The following GSG1L variants were observed in gnomAD, a reference collection of about 807,000 sequenced individuals.
The protein encoded by GSG1L is germ cell-specific gene 1-like protein.
Under a neutral mutation model 42.1 loss-of-function variants are expected in GSG1L, and 24 were observed. That is an observed-to-expected ratio of 0.57 (90% CI 0.41 to 0.80). The LOEUF (loss-of-function observed/expected upper bound fraction) is 0.80, where lower values mean the gene tolerates loss of function less well. GSG1L is among the 30% of genes least tolerant of loss of function. The pLI is 0.00. For synonymous variants in GSG1L, 215 were observed against 203.5 expected (o/e 1.06, Z -0.48); for missense variants, 445 against 472.2 (o/e 0.94, Z 0.53).
At chr16:27,823,828 T>C in intron 5 of GSG1L, 4 of 702,736 alleles carry the variant, frequency 5.7e-6, no homozygotes, top group Non-Finnish European at 1.0e-5. Flanking sequence ...AAGGACTATG[T>C]GGCCTGGGCT....
chr16:27,942,147 CTTTTTTTTTTT>C (rs34617355), intron 2 of GSG1L, among the ~76,000 whole-genome samples: 1 of 115,990 alleles, frequency 8.6e-6, no homozygotes, highest in East Asian at 2.4e-4. Flanking sequence ...AAAACTTCTT[CTTTTTTTTTTT>C]TTTTTTTTTG....
chr16:27,938,385 T>TA (rs71140925), intron 2 of GSG1L, among the ~76,000 whole-genome samples: 34,435 of 141,080 alleles, frequency 0.24, 4,773 homozygotes, highest in Non-Finnish European at 0.32. Context: ...GAGACTCCAT[T>TA]AAAAAAAAAA....
In GSG1L at chr16:27,907,952, C is replaced by T. The variant is rs556690227; in HGVS notation, c.398-23314G>A. On this transcript the variant is annotated intron_variant, in intron 2 of 6. Transcript: ENST00000447459. ...GGCAATTGCATCTGCAGCTTCCCCA[C>T]GCCCCACCCTCCAACTCCCCTAAAC... is the stretch of plus-strand genomic sequence containing the variant. Among the ~76,000 whole-genome samples, 25 of 150,954 alleles carry T rather than the reference C, an allele frequency of 1.7e-4. 1 individual carries two copies. The highest frequency in any genetic ancestry group is 4.4e-4 in the African/African-American group (18 of 41,346).
intron 2 of GSG1L, among the ~76,000 whole-genome samples, chr16:27,897,623 C>T (rs1338301024): frequency 1.3e-5 from 2 of 152,290 alleles, no homozygotes; most frequent in South Asian, 2.1e-4. Flanking sequence ...TGTTCAAAAT[C>T]ACTTCCTCCC....
chr16:27,827,112 G>T (rs899229117), intron 5 of GSG1L, among the ~76,000 whole-genome samples: 1 of 152,194 alleles, frequency 6.6e-6, no homozygotes, highest in African/African-American at 2.4e-5. Flanking sequence ...GGAGCTAACA[G>T]TCCTAACTGC....
intron 4 of GSG1L, among the ~76,000 whole-genome samples, chr16:27,834,458 A>G (rs1170578654): frequency 6.6e-6 from 1 of 151,442 alleles, no homozygotes; most frequent in Admixed American, 6.6e-5. Flanking sequence ...TGAATTGCAA[A>G]GTTTTCTCTC....
chr16:28,051,720 G>A (rs1198698636), intron 1 of GSG1L, among the ~76,000 whole-genome samples: 3 of 152,226 alleles, frequency 2.0e-5, no homozygotes, highest in Admixed American at 6.5e-5. Flanking sequence ...CAAGAGGACA[G>A]TGGGGCTGCA....
intron 1 of GSG1L, among the ~76,000 whole-genome samples, chr16:27,999,613 T>A (rs1232344180): frequency 1.3e-5 from 2 of 152,258 alleles, no homozygotes; most frequent in Admixed American, 6.5e-5. Context: ...ATGCCGGCAC[T>A]TAGCTAAGCT....
intron 2 of GSG1L, among the ~76,000 whole-genome samples, chr16:27,943,503 T>C (rs1347173551): frequency 6.8e-6 from 1 of 147,410 alleles, no homozygotes; most frequent in Non-Finnish European, 1.5e-5. Context: ...CGAAAACAAA[T>C]AAATCTATAT....
intron 1 of GSG1L, among the ~76,000 whole-genome samples, chr16:28,031,405 T>C (rs186705598): frequency 3.2e-4 from 44 of 138,442 alleles, no homozygotes; most frequent in African/African-American, 1.2e-3. Context: ...TGGGATAGGT[T>C]GGGATGGGAT....
chr16:28,003,595 G>A (rs1175412803), intron 1 of GSG1L, among the ~76,000 whole-genome samples: 1 of 152,198 alleles, frequency 6.6e-6, no homozygotes, highest in East Asian at 1.9e-4. Context: ...GCAGGAAAAC[G>A]TGGTTGCCAG....
intron 1 of GSG1L, among the ~76,000 whole-genome samples, chr16:28,027,680 G>A (rs771102127): frequency 1.2e-4 from 19 of 152,126 alleles, no homozygotes; most frequent in Admixed American, 3.9e-4. Flanking sequence ...CACAGGAGTA[G>A]ATAATTTTCT....
At chr16:27,975,350 G>T (rs2078690951) in intron 1 of GSG1L, among the ~76,000 whole-genome samples, 1 of 152,024 alleles carries the variant, frequency 6.6e-6, no homozygotes, top group South Asian at 2.1e-4. Context: ...GGACATGGAG[G>T]GGTGGATGGA....
intron 1 of GSG1L, among the ~76,000 whole-genome samples, chr16:28,039,938 C>T (rs1221026699): frequency 6.6e-6 from 1 of 152,162 alleles, no homozygotes; most frequent in African/African-American, 2.4e-5. Flanking sequence ...GATTTTCTCC[C>T]TCAACCTGTC....
chr16:27,874,710 C>A (rs895062524), intron 3 of GSG1L, among the ~76,000 whole-genome samples: 1 of 152,156 alleles, frequency 6.6e-6, no homozygotes, highest in African/African-American at 2.4e-5. Flanking sequence ...TGCATTGAGA[C>A]CCTTGCCAAC....
At chr16:28,018,685 C>T (rs1015114771) in intron 1 of GSG1L, among the ~76,000 whole-genome samples, 32 of 151,972 alleles carry the variant, frequency 2.1e-4, no homozygotes, top group African/African-American at 7.0e-4. Flanking sequence ...ATGCCACCTT[C>T]CCCCCACCCC....
At chr16:27,953,514 G>A (rs1163673336) in intron 2 of GSG1L, among the ~76,000 whole-genome samples, 2 of 152,178 alleles carry the variant, frequency 1.3e-5, no homozygotes, top group African/African-American at 4.8e-5. Flanking sequence ...TGTCATGGCA[G>A]GAGAGATGTG....
intron 6 of GSG1L, among the ~76,000 whole-genome samples, chr16:27,803,806 T>TAGATAGATAG (rs1237970461): frequency 1.4e-5 from 2 of 139,186 alleles, no homozygotes; most frequent in African/African-American, 2.7e-5. Flanking sequence ...GATAGATAGA[T>TAGATAGATAG]ATAGATATAG....
At chr16:28,035,550 T>C (rs1420910497) in intron 1 of GSG1L, among the ~76,000 whole-genome samples, 3 of 152,132 alleles carry the variant, frequency 2.0e-5, no homozygotes, top group African/African-American at 7.2e-5. Flanking sequence ...ACCGGGACCA[T>C]GTTTAATTAA....
Sources: gnomAD v4.1 joint callset for allele counts (sites outside exome capture counted in the v4.1 genomes callset) on GRCh38, gnomAD v4.1.1 for gene constraint, MANE v1.5 for transcripts, NCBI Gene and HGNC (gene_info 2026-07-23, HGNC 2026-07-21) for gene names.